GARNL3: variants seen among roughly 807,000 people sequenced by gnomAD.
The protein encoded by GARNL3 is GTPase activating Rap/RanGAP domain like 3, also known as GTPase-activating Rap/Ran-GAP domain-like protein 3.
A neutral mutation model predicts 125.0 loss-of-function variants in GARNL3; 63 were observed. The ratio of observed to expected loss-of-function variants is 0.50; its 90% CI spans 0.41 to 0.62. GARNL3 has a LOEUF of 0.62. Among genes scored for constraint, GARNL3 ranks in the 20% least tolerant of loss-of-function variants. The pLI is 0.00. For synonymous variants in GARNL3, 439 were observed against 457.5 expected, an observed-to-expected ratio of 0.96 and a Z score of 0.52; for missense variants, 994 against 1,244.0, an observed-to-expected ratio of 0.80 and a Z score of 3.02.
Position 127,280,780 on chromosome 9 carries a change from G to A in GARNL3, c.145-10388G>A, listed in dbSNP as rs2131330391. On this transcript the variant is annotated intron_variant, in intron 1 of 27. Coordinates refer to ENST00000373387, the MANE Select transcript of GARNL3 (RefSeq NM_032293.5). This position sits in a 1 kb window ranked among gnomAD's most constrained non-coding sequence, Gnocchi z 4.5. Reference sequence around the variant, plus strand: ...AGCCAAGACAGGTATATTTTGAGCTGGAAAGCTACATGACAGTGCTTATCC... The same window carrying A: ...AGCCAAGACAGGTATATTTTGAGCTAGAAAGCTACATGACAGTGCTTATCC... Among the ~76,000 whole-genome samples, 1 of 152,250 alleles carries A rather than the reference G, an allele frequency of 6.6e-6. No individual in the cohort carries two copies. The highest frequency in any genetic ancestry group is 2.4e-5 in the African/African-American group (1 of 41,534).
intron 22 of GARNL3, among the ~76,000 whole-genome samples, chr9:127,378,587 C>CAAAAA (rs60768775): frequency 9.6e-6 from 1 of 104,082 alleles, no homozygotes; most frequent in Non-Finnish European, 2.0e-5. Context: ...AACTCCGTCA[C>CAAAAA]AAAAAAAAAA....
intron 25 of GARNL3, 117 bp from the exon 26 acceptor site, chr9:127,388,787 T>C (rs1220139894): frequency 1.4e-6 from 1 of 698,064 alleles, no homozygotes. Flanking sequence ...ACATTACAGA[T>C]CAGTGTGTGA....
At chr9:127,330,696 G>C (rs983721454) in intron 7 of GARNL3, among the ~76,000 whole-genome samples, 8 of 150,806 alleles carry the variant, frequency 5.3e-5, no homozygotes, top group Non-Finnish European at 1.0e-4. Flanking sequence ...AAGGAGGGTG[G>C]CTTTATATGG....
rs775760116 is a variant in GARNL3, at chr9:127,390,695, A to G, written c.2798A>G (p.Lys933Arg). Reference protein sequence around the residue: ...KSEGAPKAKSKPRKRLEESQG... With the variant: ...KSEGAPKAKSRPRKRLEESQG... ...GAAGGAGCGCCAAAGGCCAAATCAA[A>G]ACCCCGGAAGCGGTTAGAAGAAAGC... is the stretch of plus-strand genomic sequence containing the variant. The change falls in exon 27 of 28, where the codon AAA becomes AGA. Residue 933 changes from lysine (K) to arginine (R), a missense_variant. Transcript: ENST00000373387. 1 of 1,614,002 alleles carries G rather than the reference A, an allele frequency of 6.2e-7. No homozygotes were observed. Among genetic ancestry groups the G allele is most frequent in the East Asian group, 2.2e-5 (1 of 44,880 alleles).
At chr9:127,361,157 TC>T (rs1830975703) in intron 21 of GARNL3, among the ~76,000 whole-genome samples, 1 of 152,206 alleles carries the variant, frequency 6.6e-6, no homozygotes, top group African/African-American at 2.4e-5. Flanking sequence ...GAGGTACAGT[TC>T]CTACTTCACT....
chr9:127,234,747 T>G (rs1212002194), intron 1 of GARNL3, among the ~76,000 whole-genome samples: 1 of 152,210 alleles, frequency 6.6e-6, no homozygotes, highest in Non-Finnish European at 1.5e-5. Flanking sequence ...ACCAGCAGAT[T>G]TGGTGTCTGA....
At chr9:127,331,344 T>A (rs969592131) in intron 7 of GARNL3, among the ~76,000 whole-genome samples, 3 of 151,472 alleles carry the variant, frequency 2.0e-5, no homozygotes, top group South Asian at 2.1e-4. Flanking sequence ...CAAAAAAAAA[T>A]TAGCCAGGCA....
At chr9:127,311,842 C>A in intron 3 of GARNL3, 107 bp downstream of exon 3, 1 of 702,728 alleles carries the variant, frequency 1.4e-6, no homozygotes, top group South Asian at 1.7e-5. Flanking sequence ...ATTTTAGGAA[C>A]ACTAACATCA....
At position 127,231,050 on chromosome 9, in the gene GARNL3, A is replaced by ATATATATAT. The variant is rs1161629810; in HGVS notation, c.-29+6713_-29+6714insATATATATT. The stretch of plus-strand genomic sequence containing the variant: ...TGTATATATACATATATATATATAT[A>ATATATATAT]TTTTTTTTTTTTTTTTTTTTTTGAG... On this transcript the variant is annotated intron_variant, in intron 1 of 10. Coordinates refer to the GARNL3 transcript ENST00000439286. Among the ~76,000 whole-genome samples, 238 of 89,560 alleles carry ATATATATAT rather than the reference A, an allele frequency of 2.7e-3. 9 individuals are homozygous for ATATATATAT. Among genetic ancestry groups the ATATATATAT allele is most frequent in the African/African-American group, 0.018 (222 of 12,606 alleles). The allele number at this position is 89,560 out of a possible 152,430, so 58.8% of individuals were successfully genotyped here.
At position 127,337,945 on chromosome 9, in the gene GARNL3, C is replaced by A. The variant is rs372688639; in HGVS notation, c.983-171C>A. On this transcript the variant is annotated intron_variant, in intron 11 of 27. Transcript: ENST00000373387. ...CTCATGGTGCCCTCACATAAGTCTC[C>A]CTGGGCTGTCTCTTGGAAAGAAGTA... is the stretch of plus-strand genomic sequence containing the variant. 2.0e-4 allele frequency among the ~76,000 whole-genome samples: 31 copies of A among 152,294 alleles called. No individual in the cohort carries two copies. The East Asian group carries it at 3.9e-3, about 19-fold the overall frequency.
At chr9:127,355,517 T>C in intron 20 of GARNL3, 45 bp downstream of exon 20, 1 of 1,571,900 alleles carries the variant, frequency 6.4e-7, no homozygotes, top group South Asian at 1.1e-5. Flanking sequence ...CAAGTTGTCT[T>C]GAAGCAGACT....
chr9:127,374,632 T>C (rs1426935230), intron 22 of GARNL3, among the ~76,000 whole-genome samples: 1 of 152,058 alleles, frequency 6.6e-6, no homozygotes, highest in Admixed American at 6.5e-5. Flanking sequence ...AGGGAAAATA[T>C]AAAGAACTCT....
intron 14 of GARNL3, among the ~76,000 whole-genome samples, chr9:127,343,055 A>C (rs1038659398): frequency 9.2e-5 from 14 of 151,772 alleles, no homozygotes; most frequent in African/African-American, 3.4e-4. Context: ...ACACCACTGC[A>C]CCTGGCTAAT....
At chr9:127,249,603 A>T (rs909944740) in intron 2 of GARNL3, among the ~76,000 whole-genome samples, 1 of 152,208 alleles carries the variant, frequency 6.6e-6, no homozygotes, top group Admixed American at 6.5e-5. Context: ...ATAAATAGAT[A>T]AATAAATAAA....
chr9:127,311,563 C>T lies in GARNL3; in HGVS notation c.220-73C>T, dbSNP rs181246481. 1.2e-4 allele frequency: 122 copies of T among 1,014,368 alleles called. 1 individual carries two copies. Among genetic ancestry groups the T allele is most frequent in the African/African-American group, 1.2e-3 (74 of 62,932 alleles). The allele number at this position is 1,014,368 out of a possible 1,614,324, so 62.8% of individuals were successfully genotyped here. ...ACAATGATTTTTCTGGTTCTTTGGCCGCTGGTTCATTGCCAGGTTCATGTT... is the reference window on the plus strand; with the variant it reads ...ACAATGATTTTTCTGGTTCTTTGGCTGCTGGTTCATTGCCAGGTTCATGTT... On this transcript the variant is annotated intron_variant, in intron 2 of 27. Transcript: ENST00000373387.
At chr9:127,293,517 T>C (rs1441768852) in intron 2 of GARNL3, among the ~76,000 whole-genome samples, 1 of 152,216 alleles carries the variant, frequency 6.6e-6, no homozygotes, top group Non-Finnish European at 1.5e-5. Flanking sequence ...TCCGTTGTCA[T>C]GTCCGAGAAA....
At chr9:127,230,513 C>T (rs1391422817) in intron 1 of GARNL3, among the ~76,000 whole-genome samples, 3 of 151,960 alleles carry the variant, frequency 2.0e-5, no homozygotes, top group South Asian at 2.1e-4. Flanking sequence ...AATTAGCCGA[C>T]GTGGTGGCAC....
intron 22 of GARNL3, among the ~76,000 whole-genome samples, chr9:127,380,834 A>G (rs10819283): frequency 0.93 from 142,232 of 152,332 alleles, 66,471 homozygotes; most frequent in South Asian, 0.95. Flanking sequence ...TTAGATCATG[A>G]TGATGTTAGA....
intron 7 of GARNL3, among the ~76,000 whole-genome samples, chr9:127,329,909 A>T (rs1829125598): frequency 6.6e-6 from 1 of 152,100 alleles, no homozygotes; most frequent in Non-Finnish European, 1.5e-5. Flanking sequence ...GCTCAGAGTT[A>T]TGGTCATTGA....
Sources: gnomAD v4.1 joint callset for allele counts (sites outside exome capture counted in the v4.1 genomes callset) on GRCh38, gnomAD v4.1.1 for gene constraint, Gnocchi (gnomAD v3.1) non-coding constraint, MANE v1.5 for transcripts, NCBI Gene and HGNC (gene_info 2026-07-23, HGNC 2026-07-21) for gene names.